PPP1R12A: variants seen among roughly 807,000 people sequenced by gnomAD.
The protein encoded by PPP1R12A is protein phosphatase 1 regulatory subunit 12A, also known as myosin binding subunit.
Under a neutral mutation model 139.6 loss-of-function variants are expected in PPP1R12A, and 19 were observed. That is an observed-to-expected ratio of 0.14 (90% confidence interval 0.09 to 0.20). The LOEUF is 0.20. Among genes scored for constraint, PPP1R12A ranks in the 10% least tolerant of loss-of-function variants. The probability of loss-of-function intolerance (pLI) is 1.00; values close to 1 mark genes in which losing one functional copy is unlikely to be tolerated. For synonymous variants in PPP1R12A, 427 were observed against 420.6 expected, an observed-to-expected ratio of 1.02 and a Z score of -0.19; for missense variants, 925 against 1,211.5, an observed-to-expected ratio of 0.76 and a Z score of 3.51.
intron 1 of PPP1R12A, among the ~76,000 whole-genome samples, chr12:79,875,254 A>T (rs113818154): frequency 6.0e-4 from 91 of 152,260 alleles, no homozygotes; most frequent in African/African-American, 2.1e-3. Flanking sequence ...ATTCATAATC[A>T]TCATCATATT....
Position 79,776,033 on chromosome 12 carries a change from G to T in PPP1R12A, c.3007-18C>A. 1 of 1,475,438 alleles carries T rather than the reference G, an allele frequency of 6.8e-7. No homozygotes were observed. The highest frequency in any genetic ancestry group is 9.2e-7 in the Non-Finnish European group (1 of 1,085,780). The allele number at this position is 1,475,438 out of a possible 1,614,324, so 91.4% of individuals were successfully genotyped here. A position where few individuals can be genotyped will look rare whatever the true frequency, so the allele number is the denominator to read the frequency against. ...GGTAACATCTATAAAGAGAAAAATT[G>T]AAGATCAAGTTTTACCTTCAATATT... On this transcript the variant is annotated intron_variant, in intron 24 of 24. Transcript: ENST00000450142.
chr12:79,785,555 T>C (rs1871012029), intron 22 of PPP1R12A, among the ~76,000 whole-genome samples: 3 of 152,140 alleles, frequency 2.0e-5, no homozygotes, highest in African/African-American at 7.2e-5. Context: ...GATCCATGCT[T>C]TCAGCTGGAT....
chr12:79,837,252 G>C (rs1190585556), intron 3 of PPP1R12A, among the ~76,000 whole-genome samples: 1 of 151,990 alleles, frequency 6.6e-6, no homozygotes, highest in Non-Finnish European at 1.5e-5. Flanking sequence ...TGATTTAAGA[G>C]CAGTAAATAT....
intron 9 of PPP1R12A, among the ~76,000 whole-genome samples, chr12:79,812,857 C>T (rs928700297): frequency 5.3e-5 from 8 of 152,028 alleles, no homozygotes; most frequent in African/African-American, 1.9e-4. Context: ...TATGTTAGAC[C>T]TTCTCTGTCA....
chr12:79,915,673 C>A (rs1251248981), intron 1 of PPP1R12A, among the ~76,000 whole-genome samples: 1 of 152,044 alleles, frequency 6.6e-6, no homozygotes, highest in Non-Finnish European at 1.5e-5. Context: ...TTAAAACCCA[C>A]TATTTTATGC....
At chr12:79,921,314 A>C (rs550895268) in intron 1 of PPP1R12A, among the ~76,000 whole-genome samples, 1 of 152,326 alleles carries the variant, frequency 6.6e-6, no homozygotes, top group South Asian at 2.1e-4. Flanking sequence ...ATCATATAAA[A>C]AGAAAGTTGA....
chr12:79,873,603 G>A (rs775169620), intron 1 of PPP1R12A, among the ~76,000 whole-genome samples: 2 of 151,694 alleles, frequency 1.3e-5, no homozygotes, highest in Non-Finnish European at 2.9e-5. Flanking sequence ...GTTCAAGGCT[G>A]CAATGAACTA....
intron 3 of PPP1R12A, among the ~76,000 whole-genome samples, chr12:79,841,025 A>T (rs985128583): frequency 6.7e-6 from 1 of 149,934 alleles, no homozygotes; most frequent in African/African-American, 2.5e-5. Flanking sequence ...CACATATGCT[A>T]TGTATGTCTC....
At chr12:79,847,612 G>A (rs950769483) in intron 2 of PPP1R12A, among the ~76,000 whole-genome samples, 5 of 151,870 alleles carry the variant, frequency 3.3e-5, no homozygotes, top group Admixed American at 6.6e-5. Context: ...GGAATATAAA[G>A]GTAAACAAAA....
chr12:79,915,035 C>T (rs577294121), intron 1 of PPP1R12A, among the ~76,000 whole-genome samples: 292 of 152,150 alleles, frequency 1.9e-3, no homozygotes, highest in Middle Eastern at 3.4e-3. Context: ...AACCAAGACT[C>T]CTAACTAATA....
At chr12:79,847,204 G>A (rs144778125) in intron 2 of PPP1R12A, among the ~76,000 whole-genome samples, 15 of 152,078 alleles carry the variant, frequency 9.9e-5, no homozygotes, top group African/African-American at 3.4e-4. Context: ...CACTTTTGGG[G>A]TTCTTTTTGT....
At position 79,808,590 on chromosome 12, in the gene PPP1R12A, GA is replaced by G. The variant is rs1410365892; in HGVS notation, c.1456-14del. On this transcript the variant is annotated splice_polypyrimidine_tract_variant and intron_variant, in intron 10 of 24. Transcript: ENST00000450142. ...TACTATCTTTCTCCTACACAACAGG[GA>G]AAAAAATAAGTAAAAATTAATTTGG... 6 of 1,522,036 alleles carry G rather than the reference GA, an allele frequency of 3.9e-6. No homozygotes were observed. Among genetic ancestry groups the G allele is most frequent in the African/African-American group, 2.8e-5 (2 of 72,316 alleles). 94.3% of individuals were successfully genotyped at this position (1,522,036 alleles called of 1,614,324 possible).
intron 2 of PPP1R12A, among the ~76,000 whole-genome samples, chr12:79,860,319 G>A (rs916441755): frequency 1.3e-5 from 2 of 151,878 alleles, no homozygotes; most frequent in African/African-American, 4.8e-5. Flanking sequence ...AAAAATAAGG[G>A]ACAACTCTAA....
intron 19 of PPP1R12A, among the ~76,000 whole-genome samples, chr12:79,791,914 T>C (rs1465798051): frequency 2.0e-5 from 3 of 152,178 alleles, no homozygotes; most frequent in African/African-American, 7.2e-5. Flanking sequence ...TTTTTGTAAC[T>C]TGCTTATTTC....
intron 9 of PPP1R12A, among the ~76,000 whole-genome samples, chr12:79,816,916 T>C (rs899702556): frequency 6.6e-6 from 1 of 152,198 alleles, no homozygotes. Flanking sequence ...GCCTAGTGCT[T>C]TGTACTATGA....
upstream of PPP1R12A, chr12:79,935,122 A>C (rs1291089392): frequency 8.2e-6 from 11 of 1,340,338 alleles, no homozygotes; most frequent in Middle Eastern, 5.6e-4. Context: ...GGCCGAGCGG[A>C]CCTCCCTTCC....
intron 1 of PPP1R12A, among the ~76,000 whole-genome samples, chr12:79,912,542 C>T (rs1205063824): frequency 6.6e-6 from 1 of 151,904 alleles, no homozygotes; most frequent in Non-Finnish European, 1.5e-5. Context: ...AAATAAAAAA[C>T]AGTTAGCTGG....
chr12:79,924,934 A>C (rs1026295286), intron 1 of PPP1R12A, among the ~76,000 whole-genome samples: 33 of 152,354 alleles, frequency 2.2e-4, no homozygotes, highest in African/African-American at 7.5e-4. Context: ...AGTTAAGAAT[A>C]AGCTTTTTAG....
chr12:79,800,820 G>C (rs1339801128), intron 14 of PPP1R12A, among the ~76,000 whole-genome samples: 2 of 147,126 alleles, frequency 1.4e-5, no homozygotes, highest in Non-Finnish European at 3.0e-5. Flanking sequence ...TGCAAGCTTT[G>C]CCTCCTGGGT....
Sources: gnomAD v4.1 joint callset for allele counts (sites outside exome capture counted in the v4.1 genomes callset) on GRCh38, gnomAD v4.1.1 for gene constraint, MANE v1.5 for transcripts, NCBI Gene and HGNC (gene_info 2026-07-23, HGNC 2026-07-21) for gene names.